Variants in ERBB4 observed in about 807,000 individuals in gnomAD.
ERBB4 encodes receptor tyrosine-protein kinase erbB-4.
In ERBB4, 42 loss-of-function variants were observed where a neutral mutation model predicts 158.0. That is an observed-to-expected ratio of 0.27 (90% confidence interval 0.21 to 0.34). ERBB4 has a LOEUF of 0.34. Among genes scored for constraint, ERBB4 ranks in the 10% least tolerant of loss-of-function variants. The pLI is 1.00. For missense variants in ERBB4, 1,333 were observed against 1,624.1 expected, an observed-to-expected ratio of 0.82 and a Z score of 3.08; for synonymous variants, 583 against 558.7, an observed-to-expected ratio of 1.04 and a Z score of -0.61.
intron 20 of ERBB4, among the ~76,000 whole-genome samples, chr2:211,485,492 C>A (rs1444729191): frequency 6.6e-6 from 1 of 152,106 alleles, no homozygotes; most frequent in East Asian, 1.9e-4. Context: ...CAAGTTCTGT[C>A]TCTTCAAACA....
At chr2:211,980,540 G>A (rs1037151714) in intron 2 of ERBB4, among the ~76,000 whole-genome samples, 13 of 152,126 alleles carry the variant, frequency 8.5e-5, no homozygotes, top group African/African-American at 3.1e-4. Flanking sequence ...TTTAAATAAT[G>A]TAAGTACAGT....
At chr2:211,974,753 C>T (rs1455329289) in intron 2 of ERBB4, among the ~76,000 whole-genome samples, 1 of 152,090 alleles carries the variant, frequency 6.6e-6, no homozygotes, top group Non-Finnish European at 1.5e-5. Flanking sequence ...CAAAGTGAAA[C>T]ACTGTCTCAA....
Position 211,839,146 on chromosome 2 carries a change from AGAGAGAAGG to A in ERBB4, c.422-50996_422-50988del, listed in dbSNP as rs1559562066. Among the ~76,000 whole-genome samples the A allele has an allele frequency of 1.8e-3, 200 of 111,210 alleles. 2 individuals are homozygous for A. The highest frequency in any genetic ancestry group is 8.6e-3 in the Middle Eastern group (2 of 232). 73.0% of individuals were successfully genotyped at this position (111,210 alleles called of 152,430 possible). A position where few individuals can be genotyped will look rare whatever the true frequency, so the allele number is the denominator to read the frequency against. Reference sequence around the variant, plus strand: ...GAGAGAGAGAGAGGGAGAGAGGGAGAGAGAGAAGGAGGAGGAGGAGGAGGAGGAGGAGGA... The same window carrying A: ...GAGAGAGAGAGAGGGAGAGAGGGAGAAGGAGGAGGAGGAGGAGGAGGAGGA... On this transcript the variant is annotated intron_variant, in intron 3 of 27. Transcript: ENST00000342788.
At position 211,624,097 on chromosome 2, in the gene ERBB4, C is replaced by T. The variant is rs2069742343; in HGVS notation, c.2080-53G>A. The T allele has an allele frequency of 2.5e-6, 4 of 1,606,396 alleles. No homozygotes were observed. The African/African-American group carries it at 4.0e-5, about 16-fold the overall frequency. ...CTTTCAGTCCGATAGTCAGTCCTCT[C>T]TCTCTGTCTCTCTCTCTCTCTCTCT... On this transcript the variant is annotated intron_variant, in intron 17 of 27. Transcript: ENST00000342788.
At chr2:211,948,063 G>T (rs2080752444) in intron 2 of ERBB4, among the ~76,000 whole-genome samples, 1 of 152,114 alleles carries the variant, frequency 6.6e-6, no homozygotes, top group South Asian at 2.1e-4. Context: ...GGCTCTATTG[G>T]TGTTTGGTGC....
At chr2:211,416,629 C>T (rs914249890) in intron 25 of ERBB4, among the ~76,000 whole-genome samples, 2 of 152,144 alleles carry the variant, frequency 1.3e-5, no homozygotes, top group Non-Finnish European at 2.9e-5. Flanking sequence ...ACTTGTATAA[C>T]AATCAGCTCC....
At chr2:211,425,652 T>G (rs1310244366) in intron 22 of ERBB4, among the ~76,000 whole-genome samples, 1 of 151,780 alleles carries the variant, frequency 6.6e-6, no homozygotes, top group Non-Finnish European at 1.5e-5. Context: ...TTTTAGAATA[T>G]TTTATATTTA....
intron 1 of ERBB4, among the ~76,000 whole-genome samples, chr2:212,202,313 T>C (rs543462835): frequency 6.6e-6 from 1 of 152,294 alleles, no homozygotes; most frequent in East Asian, 1.9e-4. Context: ...CAGGCATACA[T>C]AGGCACTGAG....
intron 3 of ERBB4, among the ~76,000 whole-genome samples, chr2:211,938,808 G>A (rs888493787): frequency 6.6e-6 from 1 of 152,130 alleles, no homozygotes; most frequent in African/African-American, 2.4e-5. Flanking sequence ...ACAATGACTT[G>A]AATGTACAAG....
intron 2 of ERBB4, among the ~76,000 whole-genome samples, chr2:212,036,206 T>C (rs1038469286): frequency 6.6e-6 from 1 of 152,134 alleles, no homozygotes; most frequent in Non-Finnish European, 1.5e-5. Flanking sequence ...ATCCCAACAG[T>C]TCCTTTCCAA....
At chr2:211,724,646 T>C (rs1425752051) in intron 6 of ERBB4, among the ~76,000 whole-genome samples, 2 of 152,096 alleles carry the variant, frequency 1.3e-5, no homozygotes, top group Non-Finnish European at 2.9e-5. Flanking sequence ...AATATTACCT[T>C]TAAAATATAA....
At chr2:212,189,168 G>A (rs953109060) in intron 1 of ERBB4, among the ~76,000 whole-genome samples, 2 of 151,652 alleles carry the variant, frequency 1.3e-5, no homozygotes, top group African/African-American at 2.4e-5. Context: ...GTTCCAATGA[G>A]CACTTCCTTT....
chr2:211,820,428 A>T (rs2076969246), intron 3 of ERBB4, among the ~76,000 whole-genome samples: 1 of 151,958 alleles, frequency 6.6e-6, no homozygotes, highest in Non-Finnish European at 1.5e-5. Context: ...AACAGGTTTG[A>T]ATCAGTTAAT....
chr2:211,678,314 C>CAAAAAAAAAAAAAAAAA (rs1559409127), intron 13 of ERBB4, among the ~76,000 whole-genome samples: 1 of 17,210 alleles, frequency 5.8e-5, no homozygotes, highest in African/African-American at 1.7e-4. Flanking sequence ...AAAAAACAAA[C>CAAAAAAAAAAAAAAAAA]AAACAAAAAA....
At chr2:211,825,918 A>T (rs918369258) in intron 3 of ERBB4, among the ~76,000 whole-genome samples, 5 of 148,636 alleles carry the variant, frequency 3.4e-5, no homozygotes, top group African/African-American at 1.2e-4. Context: ...TAATCCTGTT[A>T]ATTTGGGAGC....
intron 1 of ERBB4, among the ~76,000 whole-genome samples, chr2:212,467,282 T>C (rs1688887925): frequency 6.6e-6 from 1 of 151,942 alleles, no homozygotes; most frequent in African/African-American, 2.4e-5. Context: ...ACCAAGACAA[T>C]GGGGAAAATG....
chr2:211,483,265 TA>T (rs2065128566), intron 20 of ERBB4, among the ~76,000 whole-genome samples: 1 of 151,672 alleles, frequency 6.6e-6, no homozygotes, highest in African/African-American at 2.4e-5. Flanking sequence ...TGAGAGGGAT[TA>T]AAAAAAAGCG....
intron 1 of ERBB4, among the ~76,000 whole-genome samples, chr2:212,371,248 T>A (rs2090074994): frequency 6.6e-6 from 1 of 152,214 alleles, no homozygotes; most frequent in Non-Finnish European, 1.5e-5. Flanking sequence ...AGCATAGTAC[T>A]TTCATATTTA....
At chr2:211,848,779 C>A (rs893230289) in intron 3 of ERBB4, among the ~76,000 whole-genome samples, 3 of 151,918 alleles carry the variant, frequency 2.0e-5, no homozygotes, top group Admixed American at 2.0e-4. Context: ...CTAGAGATTT[C>A]AAATATGAGG....
Sources: allele counts gnomAD v4.1 joint callset (sites outside exome capture counted in the v4.1 genomes callset), GRCh38; gene constraint gnomAD v4.1.1; transcripts MANE v1.5; gene names NCBI Gene and HGNC (gene_info 2026-07-23, HGNC 2026-07-21).